The following ZNF451 variants were observed in gnomAD, a reference collection of about 807,000 sequenced individuals.
The protein encoded by ZNF451 is E3 SUMO-protein ligase ZNF451.
In ZNF451, 80 loss-of-function variants were observed where a neutral mutation model predicts 107.1. The observed-to-expected ratio is 0.75, with a 90% confidence interval of 0.62 to 0.90. The LOEUF (loss-of-function observed/expected upper bound fraction) is 0.90. Ranked by LOEUF, ZNF451 falls within the 40% of genes least tolerant of loss-of-function variation. The pLI, the probability that ZNF451 is intolerant of heterozygous loss-of-function variation, is 0.00. For missense variants in ZNF451, 1,107 were observed against 1,236.2 expected (o/e 0.90, Z 1.57); for synonymous variants, 362 against 406.5 (o/e 0.89, Z 1.32).
At chr6:57,092,054 G>A (rs764977862) in intron 2 of ZNF451, among the ~76,000 whole-genome samples, 1 of 152,060 alleles carries the variant, frequency 6.6e-6, no homozygotes, top group African/African-American at 2.4e-5. Context: ...TTCACCATGC[G>A]CTGAAGTATG....
intron 13 of ZNF451, among the ~76,000 whole-genome samples, chr6:57,155,194 A>G (rs569869916): frequency 9.2e-5 from 14 of 151,830 alleles, no homozygotes; most frequent in African/African-American, 2.4e-4. Context: ...ACAAAAAAAC[A>G]AAAAAAACAG....
chr6:57,127,426 A>C (rs1230017814), intron 4 of ZNF451, among the ~76,000 whole-genome samples: 6 of 152,124 alleles, frequency 3.9e-5, no homozygotes, highest in Non-Finnish European at 8.8e-5. Flanking sequence ...TGTTATGTAG[A>C]TTTTCTTCAG....
chr6:57,163,993 A>G (rs1029485028), intron 14 of ZNF451, among the ~76,000 whole-genome samples: 5 of 152,246 alleles, frequency 3.3e-5, no homozygotes. Flanking sequence ...ACAACTCTGT[A>G]AATGCCTGAG....
At chr6:57,095,582 A>C (rs1183111893) in intron 2 of ZNF451, among the ~76,000 whole-genome samples, 2 of 152,028 alleles carry the variant, frequency 1.3e-5, no homozygotes, top group Non-Finnish European at 2.9e-5. Flanking sequence ...ATCCTCCGTC[A>C]TCGGCCTCCC....
At chr6:57,102,967 C>T in intron 3 of ZNF451, 1 of 985,418 alleles carries the variant, frequency 1.0e-6, no homozygotes, top group Non-Finnish European at 1.2e-6. Flanking sequence ...TCATGGTAGT[C>T]TCTCACTGTA....
chr6:57,096,150 TTTTC>T (rs1054764672), intron 2 of ZNF451, among the ~76,000 whole-genome samples: 1 of 150,768 alleles, frequency 6.6e-6, no homozygotes, highest in Non-Finnish European at 1.5e-5. Context: ...TTTTTGATCA[TTTTC>T]TTTCTTCCTT....
chr6:57,150,305 A>G (rs1472076679), intron 10 of ZNF451, among the ~76,000 whole-genome samples: 1 of 152,184 alleles, frequency 6.6e-6, no homozygotes, highest in Non-Finnish European at 1.5e-5. Flanking sequence ...AAAAGAACCA[A>G]ATTCTGGTGG....
At chr6:57,118,088 G>A (rs1830457362) in intron 3 of ZNF451, among the ~76,000 whole-genome samples, 1 of 152,188 alleles carries the variant, frequency 6.6e-6, no homozygotes, top group Non-Finnish European at 1.5e-5. Flanking sequence ...TGTAAGGGTA[G>A]CAACTTGAAA....
intron 7 of ZNF451, among the ~76,000 whole-genome samples, chr6:57,140,766 T>C (rs1234164397): frequency 1.3e-5 from 2 of 152,174 alleles, no homozygotes; most frequent in African/African-American, 2.4e-5. Context: ...ATTAGAGATA[T>C]ACCAGCTGAT....
intron 6 of ZNF451, 141 bp downstream of exon 6, chr6:57,133,333 G>T (rs1831272855): frequency 1.1e-6 from 1 of 902,228 alleles, no homozygotes; most frequent in Non-Finnish European, 1.6e-6. Flanking sequence ...GTGCCATTAT[G>T]ATATAATTTT....
chr6:57,117,585 T>G (rs576231888), intron 3 of ZNF451, among the ~76,000 whole-genome samples: 1 of 152,266 alleles, frequency 6.6e-6, no homozygotes, highest in East Asian at 1.9e-4. Flanking sequence ...GAGTATAATT[T>G]GAAGGGAGTG....
rs148632470 is a variant in ZNF451, at chr6:57,148,206, C to T, written c.2121C>T (p.Thr707=). The part of the protein sequence containing the change: ...VSEKTETSIK[T]EDDFPVIETS... ...AAAAAACTGAAACTTCAATTAAAAC[C>T]GAAGATGATTTTCCAGTAATAGAGA... The change falls in exon 10 of 15, where the codon ACC becomes ACT. Residue 707 remains threonine, a synonymous_variant. Transcript: ENST00000370706. The T allele has an allele frequency of 6.4e-5, 103 of 1,613,846 alleles. No homozygotes were observed. Among genetic ancestry groups the T allele is most frequent in the East Asian group, 3.8e-4 (17 of 44,876 alleles).
intron 5 of ZNF451, among the ~76,000 whole-genome samples, chr6:57,131,499 G>GA (rs1831176634): frequency 6.6e-6 from 1 of 152,094 alleles, no homozygotes; most frequent in Non-Finnish European, 1.5e-5. Context: ...ACTACATTAA[G>GA]AATGTTAAAG....
chr6:57,156,973 ACCT>A (rs905413399), intron 13 of ZNF451, among the ~76,000 whole-genome samples: 1 of 151,894 alleles, frequency 6.6e-6, no homozygotes, highest in Non-Finnish European at 1.5e-5. Context: ...CCTGCTGCTC[ACCT>A]CCTGCTGTGC....
At chr6:57,130,543 A>G (rs1476966932) in intron 5 of ZNF451, among the ~76,000 whole-genome samples, 2 of 152,210 alleles carry the variant, frequency 1.3e-5, no homozygotes, top group Admixed American at 6.5e-5. Context: ...GACTAGAACT[A>G]GAAGACTTTA....
Position 57,147,423 on chromosome 6 carries a change from AAAG to A in ZNF451, c.1343_1345del (p.Lys448del), listed in dbSNP as rs1316807387. 6.2e-7 allele frequency: 1 copy of A among 1,614,016 alleles called. No individual in the cohort carries two copies. Among genetic ancestry groups the A allele is most frequent in the Non-Finnish European group, 8.5e-7 (1 of 1,179,960 alleles). ...CACTGGAGTGCATTGCCATTCCAAA[AAAG>A]AAGATGAATTTAAAAGATAAAAGCC... On this transcript the variant is annotated inframe_deletion, in exon 10 of 15. Transcript: ENST00000370706.
chr6:57,091,736 T>TGCCGTAGTTA, intron 2 of ZNF451, among the ~76,000 whole-genome samples: 1 of 152,252 alleles, frequency 6.6e-6, no homozygotes, highest in Non-Finnish European at 1.5e-5. Context: ...TCTTTTGGAA[T>TGCCGTAGTTA]GCCGTAGTTA....
At chr6:57,145,669 T>C (rs924755326) in intron 9 of ZNF451, among the ~76,000 whole-genome samples, 3 of 152,210 alleles carry the variant, frequency 2.0e-5, no homozygotes, top group South Asian at 4.1e-4. Flanking sequence ...CCATGGTATA[T>C]ATACCATATT....
intron 4 of ZNF451, 77 bp downstream of exon 4, chr6:57,124,936 A>G (rs1830859259): frequency 9.7e-7 from 1 of 1,028,246 alleles, no homozygotes; most frequent in African/African-American, 1.7e-5. Context: ...CCTTTAATCA[A>G]AAAAAGATAT....
Sources: gnomAD v4.1 joint callset for allele counts (sites outside exome capture counted in the v4.1 genomes callset) on GRCh38, gnomAD v4.1.1 for gene constraint, MANE v1.5 for transcripts, NCBI Gene and HGNC (gene_info 2026-07-23, HGNC 2026-07-21) for gene names.